Variants in ZNF536 observed in about 807,000 individuals in gnomAD.
ZNF536 encodes zinc finger protein 536.
Under a neutral mutation model 84.5 loss-of-function variants are expected in ZNF536, and 13 were observed. The ratio of observed to expected loss-of-function variants is 0.15; its 90% confidence interval spans 0.10 to 0.24. The LOEUF is 0.24. Among genes scored for constraint, ZNF536 ranks in the 10% least tolerant of loss-of-function variants. ZNF536 has a pLI of 1.00. For synonymous variants in ZNF536, 811 were observed against 742.5 expected, an observed-to-expected ratio of 1.09 and a Z score of -1.50; for missense variants, 1,536 against 1,747.5, an observed-to-expected ratio of 0.88 and a Z score of 2.16.
At chr19:30,681,736 T>C (rs1285838590) in intron 1 of ZNF536, among the ~76,000 whole-genome samples, 1 of 152,194 alleles carries the variant, frequency 6.6e-6, no homozygotes, top group Non-Finnish European at 1.5e-5. Context: ...CCTCATTTGA[T>C]GGGTCCTAAT....
chr19:30,652,739 G>A lies in ZNF536; in HGVS notation c.170-58018G>A, dbSNP rs1314709878. Among the ~76,000 whole-genome samples the A allele has an allele frequency of 9.9e-5, 15 of 152,218 alleles. 1 individual carries two copies. The highest frequency in any genetic ancestry group is 9.8e-4 in the Admixed American group (15 of 15,278). ...GTTTCGTAGAAGGCTGATCTCCGAA[G>A]GGAATTTTCCTGGGCTTCCTGTCCT... On this transcript the variant is annotated intron_variant, in intron 1 of 1. Transcript: ENST00000592773.
chr19:30,711,144 G>T (rs2052442453), exon 2 of ZNF536: 1 of 150,012 alleles, frequency 6.7e-6, no homozygotes, highest in African/African-American at 2.4e-5. Flanking sequence ...AATTTTAAAA[G>T]ATATCTATAT....
At chr19:30,568,398 A>G (rs1452639514) in intron 1 of ZNF536, among the ~76,000 whole-genome samples, 3 of 152,206 alleles carry the variant, frequency 2.0e-5, no homozygotes, top group Non-Finnish European at 4.4e-5. Context: ...AGAGGAGTAT[A>G]TTTATTAAAT....
intron 2 of ZNF536, among the ~76,000 whole-genome samples, chr19:30,284,779 G>T (rs1045416508): frequency 6.6e-6 from 1 of 152,162 alleles, no homozygotes; most frequent in African/African-American, 2.4e-5. Context: ...ACCTTCTCCT[G>T]ACCACACGTC....
At chr19:30,297,911 C>G (rs61254267) in intron 2 of ZNF536, among the ~76,000 whole-genome samples, 186 of 145,432 alleles carry the variant, frequency 1.3e-3, no homozygotes, top group Middle Eastern at 3.5e-3. Context: ...AGTCCCCCCC[C>G]CCTCTGTCGC....
chr19:30,447,531 G>A (rs2052409950), intron 2 of ZNF536, among the ~76,000 whole-genome samples: 1 of 152,168 alleles, frequency 6.6e-6, no homozygotes, highest in South Asian at 2.1e-4. Flanking sequence ...GAGACACTTA[G>A]GAAGTGTCTA....
chr19:30,646,291 T>C (rs935400147), intron 1 of ZNF536, among the ~76,000 whole-genome samples: 2 of 152,218 alleles, frequency 1.3e-5, no homozygotes, highest in Non-Finnish European at 2.9e-5. Flanking sequence ...TCTTTTTTCC[T>C]TTACATCCAT....
At chr19:30,540,676 G>A (rs1022818672) in intron 3 of ZNF536, among the ~76,000 whole-genome samples, 4 of 152,238 alleles carry the variant, frequency 2.6e-5, no homozygotes, top group South Asian at 2.1e-4. Flanking sequence ...GCCTAATTCA[G>A]AATCTCATTC....
At chr19:30,531,337 G>A (rs769713912) in intron 2 of ZNF536, among the ~76,000 whole-genome samples, 21 of 152,118 alleles carry the variant, frequency 1.4e-4, no homozygotes, top group Middle Eastern at 3.2e-3. Context: ...AGTGCAGGGC[G>A]GCCGTATCGC....
At chr19:30,255,528 G>A (rs1344701339) in intron 1 of ZNF536, among the ~76,000 whole-genome samples, 4 of 152,032 alleles carry the variant, frequency 2.6e-5, no homozygotes, top group Admixed American at 2.6e-4. Context: ...AAAACAGGAA[G>A]GTTTTCCAGA....
intron 2 of ZNF536, among the ~76,000 whole-genome samples, chr19:30,461,512 C>A (rs1271785773): frequency 6.6e-6 from 1 of 152,122 alleles, no homozygotes; most frequent in African/African-American, 2.4e-5. Context: ...ATGGGACCCC[C>A]CTGAGCCCCA....
At chr19:30,338,838 G>A (rs1049837652) in intron 2 of ZNF536, among the ~76,000 whole-genome samples, 1 of 152,166 alleles carries the variant, frequency 6.6e-6, no homozygotes, top group African/African-American at 2.4e-5. Flanking sequence ...TTTAGTAGCT[G>A]TGCAATCTTG....
chr19:30,294,559 G>A (rs1445095802), intron 2 of ZNF536, among the ~76,000 whole-genome samples: 1,970 of 95,442 alleles, frequency 0.021, 34 homozygotes, highest in African/African-American at 0.073. Flanking sequence ...ATGTGTGTGT[G>A]TGTGTGTGTG....
intron 1 of ZNF536, among the ~76,000 whole-genome samples, chr19:30,707,353 G>A (rs962259907): frequency 2.0e-5 from 3 of 152,132 alleles, no homozygotes; most frequent in South Asian, 2.1e-4. Context: ...TTGTATAATC[G>A]AAAATTTGCA....
intron 2 of ZNF536, among the ~76,000 whole-genome samples, chr19:30,448,715 A>G (rs572450477): frequency 1.3e-5 from 2 of 152,260 alleles, no homozygotes; most frequent in South Asian, 4.1e-4. Flanking sequence ...ATCATAAAAA[A>G]CCTTTTTACA....
chr19:30,404,763 GGACAC>G (rs1374871419), intron 1 of ZNF536, among the ~76,000 whole-genome samples: 1 of 152,050 alleles, frequency 6.6e-6, no homozygotes, highest in African/African-American at 2.4e-5. Context: ...ACCCAGCAGT[GGACAC>G]CAGCTGGGTG....
intron 1 of ZNF536, among the ~76,000 whole-genome samples, chr19:30,571,863 T>C (rs1458083846): frequency 2.0e-5 from 3 of 152,178 alleles, no homozygotes; most frequent in African/African-American, 7.2e-5. Flanking sequence ...ATAGAAGTCA[T>C]CTTAGAGGTC....
chr19:30,617,333 C>CTTTTTTTTTTTCTTTTT (rs2048332042), intron 1 of ZNF536, among the ~76,000 whole-genome samples: 1 of 37,710 alleles, frequency 2.7e-5, no homozygotes, highest in Non-Finnish European at 5.9e-5. Flanking sequence ...GAATAGCTTA[C>CTTTTTTTTTTTCTTTTT]TTTTTTTTTT....
intron 1 of ZNF536, among the ~76,000 whole-genome samples, chr19:30,680,973 T>C (rs8102777): frequency 0.042 from 6,460 of 152,282 alleles, 175 homozygotes; most frequent in Middle Eastern, 0.078. Flanking sequence ...TATCTCATTG[T>C]GGTTTTGATC....
Sources: allele counts gnomAD v4.1 joint callset (sites outside exome capture counted in the v4.1 genomes callset), GRCh38; gene constraint gnomAD v4.1.1; transcripts MANE v1.5; gene names NCBI Gene and HGNC (gene_info 2026-07-23, HGNC 2026-07-21).